Variants in RUFY1 observed in about 807,000 individuals in gnomAD.
RUFY1 encodes the protein RUN and FYVE domain-containing protein 1.
In RUFY1, 54 loss-of-function variants were observed where a neutral mutation model predicts 94.6. The ratio of observed to expected loss-of-function variants is 0.57; its 90% CI spans 0.46 to 0.72. The LOEUF (loss-of-function observed/expected upper bound fraction) is 0.72. RUFY1 is among the 30% of genes least tolerant of loss of function. RUFY1 has a pLI of 0.00. For missense variants in RUFY1, 883 were observed against 883.9 expected (o/e 1.00, Z 0.01); for synonymous variants, 396 against 347.3 (o/e 1.14, Z -1.56).
At chr5:179,554,997 C>T (rs1249061461) in intron 1 of RUFY1, among the ~76,000 whole-genome samples, 1 of 152,042 alleles carries the variant, frequency 6.6e-6, no homozygotes, top group African/African-American at 2.4e-5. Flanking sequence ...ACTAAATCCT[C>T]CTTCCCAGAA....
At chr5:179,552,537 G>A (rs1293394840) in intron 1 of RUFY1, among the ~76,000 whole-genome samples, 1 of 152,188 alleles carries the variant, frequency 6.6e-6, no homozygotes, top group Non-Finnish European at 1.5e-5. Flanking sequence ...AGCCTGGGCA[G>A]GCCGGGAATC....
In RUFY1 at chr5:179,550,725, C is replaced by T; in HGVS notation, c.156C>T (p.Ser52=). 1 of 1,479,662 alleles carries T rather than the reference C, an allele frequency of 6.8e-7. No individual in the cohort carries two copies. Among genetic ancestry groups the T allele is most frequent in the Non-Finnish European group, 8.9e-7 (1 of 1,119,404 alleles). The allele number at this position is 1,479,662 out of a possible 1,614,324, so 91.7% of individuals were successfully genotyped here. The part of the protein sequence containing the change: ...SQLPGPGDLR[S]ATRPRAAEGW... ...TGCCCGGCCCAGGCGACCTGCGGAG[C>T]GCAACGAGGCCGCGGGCGGCCGAGG... Residue 52 remains serine, a synonymous_variant, in exon 1 of 18, where the codon AGC becomes AGT. Transcript: ENST00000319449.
chr5:179,591,785 A>G (rs375449669), intron 10 of RUFY1, 44 bp downstream of exon 10: 1 of 1,136,134 alleles, frequency 8.8e-7, no homozygotes, highest in African/African-American at 1.6e-5. Flanking sequence ...GTTTCCCCGT[A>G]GTGTTAATTC....
At chr5:179,566,489 C>G (rs901936085) in intron 3 of RUFY1, among the ~76,000 whole-genome samples, 3 of 151,938 alleles carry the variant, frequency 2.0e-5, no homozygotes, top group Non-Finnish European at 4.4e-5. Flanking sequence ...GCCTGTAATC[C>G]CAGCTACTCG....
chr5:179,600,720 G>A (rs1482782573), intron 14 of RUFY1, among the ~76,000 whole-genome samples: 26 of 108,096 alleles, frequency 2.4e-4, no homozygotes, highest in Non-Finnish European at 3.5e-4. Context: ...TTTTTGAGAC[G>A]GAGTCTTGCT....
chr5:179,582,376 C>G (rs184288959), intron 7 of RUFY1, among the ~76,000 whole-genome samples: 1 of 152,074 alleles, frequency 6.6e-6, no homozygotes, highest in Non-Finnish European at 1.5e-5. Flanking sequence ...CAGGCATGCA[C>G]CACTACACCT....
chr5:179,591,405 C>T (rs954904218), intron 9 of RUFY1, among the ~76,000 whole-genome samples: 3 of 149,858 alleles, frequency 2.0e-5, no homozygotes, highest in Non-Finnish European at 3.0e-5. Flanking sequence ...AGGATGGTCT[C>T]GATCGCCTGA....
In RUFY1 at chr5:179,598,776, C is replaced by G; in HGVS notation, c.1716C>G (p.Ser572=). ...AATTACAGCACGAGAAAGACACTTC[C>G]TCTCTACTCAGGATGGAGCTGCAAC... The part of the protein sequence containing the change: ...QRELQHEKDT[S]SLLRMELQQV... Residue 572 remains serine (S), a synonymous_variant, in exon 14 of 18, where the codon TCC becomes TCG. Transcript: ENST00000319449. 1 of 1,614,206 alleles carries G rather than the reference C, an allele frequency of 6.2e-7. No homozygotes were observed. Among genetic ancestry groups the G allele is most frequent in the Non-Finnish European group, 8.5e-7 (1 of 1,180,036 alleles).
chr5:179,577,279 C>A lies in RUFY1; in HGVS notation c.890+143C>A, dbSNP rs952501437. On this transcript the variant is annotated intron_variant, in intron 6 of 17. Coordinates refer to ENST00000319449, the MANE Select transcript of RUFY1 (RefSeq NM_025158.5). The stretch of plus-strand genomic sequence containing the variant: ...CTCCGCCTCCCGGGTTCAAGCGATT[C>A]TTCTGCCTCAGCCTCCTGAGTAGCT... 2.3e-5 allele frequency: 13 copies of A among 553,242 alleles called. 1 individual carries two copies. The highest frequency in any genetic ancestry group is 5.0e-4 in the Middle Eastern group (1 of 1,990). 34.3% of individuals were successfully genotyped at this position (553,242 alleles called of 1,614,324 possible).
intron 3 of RUFY1, 186 bp downstream of exon 3, chr5:179,562,850 A>G (rs1762551611): frequency 1.9e-6 from 1 of 539,758 alleles, no homozygotes; most frequent in African/African-American, 1.9e-5. Context: ...AAATGGGGAC[A>G]GTGATTCCTG....
chr5:179,552,164 CAAAAAAA>C (rs563730431), intron 1 of RUFY1, among the ~76,000 whole-genome samples: 5 of 73,450 alleles, frequency 6.8e-5, no homozygotes, highest in South Asian at 6.8e-4. Context: ...GACTCTGTCT[CAAAAAAA>C]AAAAAAAAAA....
chr5:179,550,590 C>G lies in RUFY1; in HGVS notation c.21C>G (p.Gly7=), dbSNP rs768809657. The G allele has an allele frequency of 7.9e-5, 102 of 1,284,624 alleles. 2 individuals are homozygous for G. In the African/African-American group the frequency reaches 2.2e-3, roughly 27 times the overall value. The allele number at this position is 1,284,624 out of a possible 1,614,324, so 79.6% of individuals were successfully genotyped here. A position where few individuals can be genotyped will look rare whatever the true frequency, so the allele number is the denominator to read the frequency against. The change falls in exon 1 of 18, where the codon GGC becomes GGG. Residue 7 remains glycine, a synonymous_variant. Transcript: ENST00000319449. ...CCAAGATGGCCGACCGGGAAGGCGG[C>G]TGCGCTGCTGGGCGGGGGCGGGAGC... MADREG[G]CAAGRGRELE...
intron 17 of RUFY1, chr5:179,608,454 G>C: frequency 1.0e-6 from 1 of 985,572 alleles, no homozygotes; most frequent in Non-Finnish European, 1.2e-6. Context: ...GTCAGAAGCA[G>C]AGGCTGCACA....
At chr5:179,582,936 A>G (rs948308290) in intron 7 of RUFY1, among the ~76,000 whole-genome samples, 1 of 152,198 alleles carries the variant, frequency 6.6e-6, no homozygotes, top group African/African-American at 2.4e-5. Flanking sequence ...TAGCATTGCA[A>G]AATGAATTAG....
chr5:179,577,918 A>G (rs1763784815), intron 6 of RUFY1, among the ~76,000 whole-genome samples: 1 of 149,976 alleles, frequency 6.7e-6, no homozygotes, highest in South Asian at 2.1e-4. Flanking sequence ...TTGCTTTGAG[A>G]TTTTCTGTTT....
rs1039377337 is a variant in RUFY1, at chr5:179,550,848, C to A, written c.279C>A (p.Gly93=). Residue 93 remains glycine, a synonymous_variant, in exon 1 of 18, where the codon GGC becomes GGA. Coordinates refer to ENST00000319449, the MANE Select transcript of RUFY1 (RefSeq NM_025158.5). ...SALRAAAGLG[G]GDSGDGTARA... Reference sequence around the variant, plus strand: ...TGCGCGCGGCCGCGGGGCTGGGCGGCGGGGACAGCGGGGACGGCACGGCGC... The same window carrying A: ...TGCGCGCGGCCGCGGGGCTGGGCGGAGGGGACAGCGGGGACGGCACGGCGC... 2 of 1,200,586 alleles carry A rather than the reference C, an allele frequency of 1.7e-6. No individual in the cohort carries two copies. The highest frequency in any genetic ancestry group is 2.1e-6 in the Non-Finnish European group (2 of 971,456). The allele number at this position is 1,200,586 out of a possible 1,614,324, so 74.4% of individuals were successfully genotyped here.
In RUFY1 at chr5:179,605,260, T is replaced by A. The variant is rs79280551; in HGVS notation, c.1857-616T>A. Among the ~76,000 whole-genome samples, 1,399 of 142,244 alleles carry A rather than the reference T, an allele frequency of 9.8e-3. 25 individuals are homozygous for A. Among genetic ancestry groups the A allele is most frequent in the African/African-American group, 0.033 (1,247 of 37,824 alleles). 93.3% of individuals were successfully genotyped at this position (142,244 alleles called of 152,430 possible). A position where few individuals can be genotyped will look rare whatever the true frequency, so the allele number is the denominator to read the frequency against. On this transcript the variant is annotated intron_variant, in intron 15 of 17. Coordinates refer to ENST00000319449, the MANE Select transcript of RUFY1 (RefSeq NM_025158.5). ...CACCACTGCATTCCAGCCTGGGCAA[T>A]ATAGCAAGATCCTGTCTCAAAAAAA...
Position 179,596,601 on chromosome 5 carries a change from G to GC in RUFY1, c.1552dup (p.Arg518ProfsTer126). 6.2e-7 allele frequency: 1 copy of GC among 1,613,384 alleles called. No individual in the cohort carries two copies. The highest frequency in any genetic ancestry group is 8.5e-7 in the Non-Finnish European group (1 of 1,179,992). ...AGCGGGCGAGGCAGGGGGCTGAGGA[G>GC]CGGAGCCACAAGCTGCAGCAGGAGC... On this transcript the variant is annotated frameshift_variant, in exon 13 of 18. Transcript: ENST00000319449. LOFTEE classifies it high-confidence loss of function.
At position 179,560,381 on chromosome 5, in the gene RUFY1, C is replaced by G. The variant is rs984544923; in HGVS notation, c.484+183C>G. Among the ~76,000 whole-genome samples, 2 of 152,124 alleles carry G rather than the reference C, an allele frequency of 1.3e-5. No homozygotes were observed. The highest frequency in any genetic ancestry group is 2.9e-5 in the Non-Finnish European group (2 of 68,034). ...CTGGCCAATAGAAATAGCATGCAAGCTATATAGGCAATTTTAAAGTTTCTG... is the reference window on the plus strand; with the variant it reads ...CTGGCCAATAGAAATAGCATGCAAGGTATATAGGCAATTTTAAAGTTTCTG... On this transcript the variant is annotated intron_variant, in intron 2 of 17. Transcript: ENST00000319449.
Sources: allele counts gnomAD v4.1 joint callset (sites outside exome capture counted in the v4.1 genomes callset), GRCh38; gene constraint gnomAD v4.1.1; transcripts MANE v1.5; gene names NCBI Gene and HGNC (gene_info 2026-07-23, HGNC 2026-07-21).